Variants in GLCE observed in about 807,000 individuals in gnomAD.
GLCE encodes the protein glucuronic acid epimerase.
In GLCE, 19 loss-of-function variants were observed where a neutral mutation model predicts 47.9. That is an observed-to-expected ratio of 0.40 (90% CI 0.28 to 0.58). The LOEUF (loss-of-function observed/expected upper bound fraction) is 0.58, where lower values mean the gene tolerates loss of function less well. Among genes scored for constraint, GLCE ranks in the 20% least tolerant of loss-of-function variants. The probability of loss-of-function intolerance (pLI) is 0.48; values close to 1 mark genes in which losing one functional copy is unlikely to be tolerated. For missense variants in GLCE, 556 were observed against 743.3 expected (o/e 0.75, Z 2.93); for synonymous variants, 245 against 263.4 (o/e 0.93, Z 0.68).
At chr15:69,245,999 GT>G (rs2052743016) in intron 2 of GLCE, among the ~76,000 whole-genome samples, 1 of 152,174 alleles carries the variant, frequency 6.6e-6, no homozygotes, top group African/African-American at 2.4e-5. Context: ...AAAGTACTGG[GT>G]TTACAGGCGT....
Position 69,255,750 on chromosome 15 carries a change from G to A in GLCE, c.-13-44G>A, listed in dbSNP as rs140244977. 1.8e-4 allele frequency: 199 copies of A among 1,076,524 alleles called. No homozygotes were observed. The African/African-American group carries it at 2.2e-3, about 12-fold the overall frequency. 66.7% of individuals were successfully genotyped at this position (1,076,524 alleles called of 1,614,324 possible). On this transcript the variant is annotated intron_variant, in intron 2 of 4. Transcript: ENST00000261858. ...AGAAAACTTTATCCTATGAAATGCCGGTAGTACATCTTTGCATGATTTTTT... is the reference window on the plus strand; with the variant it reads ...AGAAAACTTTATCCTATGAAATGCCAGTAGTACATCTTTGCATGATTTTTT...
At chr15:69,204,407 C>T (rs201472987) in intron 1 of GLCE, among the ~76,000 whole-genome samples, 2 of 151,568 alleles carry the variant, frequency 1.3e-5, no homozygotes, top group East Asian at 3.9e-4. Flanking sequence ...CTCAGCCTCC[C>T]GAGTAGCTGG....
intron 2 of GLCE, among the ~76,000 whole-genome samples, chr15:69,223,681 C>G (rs2052407284): frequency 6.6e-6 from 1 of 151,814 alleles, no homozygotes; most frequent in Admixed American, 6.6e-5. Flanking sequence ...CTTTTCTCCT[C>G]CTTTCAAAAC....
chr15:69,211,205 T>G lies in GLCE; in HGVS notation c.-14+799T>G, dbSNP rs371163241. Among the ~76,000 whole-genome samples, 12 of 152,202 alleles carry G rather than the reference T, an allele frequency of 7.9e-5. No homozygotes were observed. The East Asian group carries it at 1.3e-3, about 17-fold the overall frequency. Reference sequence around the variant, plus strand: ...TGTTAGCAGTTAAATACTATGCTTATTTTTTAAGTAGAAGCCTTCATTTTG... The same window carrying G: ...TGTTAGCAGTTAAATACTATGCTTAGTTTTTAAGTAGAAGCCTTCATTTTG... On this transcript the variant is annotated intron_variant, in intron 2 of 4. Coordinates refer to ENST00000261858, the MANE Select transcript of GLCE (RefSeq NM_015554.3).
intron 2 of GLCE, among the ~76,000 whole-genome samples, chr15:69,217,196 A>G (rs2052319404): frequency 6.6e-6 from 1 of 151,852 alleles, no homozygotes; most frequent in East Asian, 1.9e-4. Context: ...CATTGGATGT[A>G]ACTTGTGTAT....
intron 1 of GLCE, among the ~76,000 whole-genome samples, chr15:69,170,562 G>T (rs1263665530): frequency 6.6e-6 from 1 of 152,116 alleles, no homozygotes; most frequent in African/African-American, 2.4e-5. Context: ...ATATATATTT[G>T]TGTGTGCATG....
At chr15:69,206,273 A>G (rs1480262204) in intron 1 of GLCE, among the ~76,000 whole-genome samples, 1 of 152,068 alleles carries the variant, frequency 6.6e-6, no homozygotes, top group Non-Finnish European at 1.5e-5. Flanking sequence ...ACAGAGGGAA[A>G]TGCCCTTTTC....
intron 2 of GLCE, among the ~76,000 whole-genome samples, chr15:69,240,634 C>T (rs1049452582): frequency 5.3e-5 from 8 of 151,168 alleles, no homozygotes; most frequent in Admixed American, 1.3e-4. Context: ...ATGCAATATC[C>T]GAATAAGAAA....
chr15:69,170,137 C>T (rs1454307633), intron 1 of GLCE, among the ~76,000 whole-genome samples: 2 of 151,848 alleles, frequency 1.3e-5, no homozygotes, highest in Admixed American at 6.6e-5. Flanking sequence ...AATTTATATG[C>T]CAATATGAAA....
At chr15:69,233,668 A>C (rs2052555227) in intron 2 of GLCE, among the ~76,000 whole-genome samples, 2 of 150,462 alleles carry the variant, frequency 1.3e-5, no homozygotes, top group African/African-American at 2.4e-5. Context: ...GTATGATAAG[A>C]AGCTCAGTTT....
At chr15:69,237,622 G>A (rs2052611562) in intron 2 of GLCE, among the ~76,000 whole-genome samples, 1 of 151,778 alleles carries the variant, frequency 6.6e-6, no homozygotes, top group Admixed American at 6.6e-5. Context: ...AAAAAAATTG[G>A]GTACTGATTT....
intron 2 of GLCE, among the ~76,000 whole-genome samples, chr15:69,234,195 C>G (rs984514404): frequency 1.2e-4 from 19 of 152,108 alleles, no homozygotes; most frequent in Admixed American, 6.5e-4. Flanking sequence ...CCAGACTGGT[C>G]TCAAACTCCT....
intron 2 of GLCE, among the ~76,000 whole-genome samples, chr15:69,219,336 T>C (rs1355108939): frequency 6.6e-6 from 1 of 152,126 alleles, no homozygotes; most frequent in Non-Finnish European, 1.5e-5. Flanking sequence ...AGATTTTCTG[T>C]TGAAAAAGTG....
At chr15:69,172,448 A>G (rs539854277) in intron 1 of GLCE, among the ~76,000 whole-genome samples, 13 of 152,226 alleles carry the variant, frequency 8.5e-5, no homozygotes, top group Non-Finnish European at 1.5e-4. Flanking sequence ...CTCTGGCCAT[A>G]GTATATATAG....
intron 2 of GLCE, among the ~76,000 whole-genome samples, chr15:69,239,651 C>G (rs1380141476): frequency 6.6e-6 from 1 of 152,074 alleles, no homozygotes; most frequent in Non-Finnish European, 1.5e-5. Flanking sequence ...ACCTGAAATA[C>G]CAACATCCCA....
chr15:69,174,913 G>A (rs1332545996), intron 1 of GLCE, among the ~76,000 whole-genome samples: 2 of 151,922 alleles, frequency 1.3e-5, no homozygotes, highest in African/African-American at 4.8e-5. Flanking sequence ...TTTTCTAACA[G>A]TTTGGTAATC....
intron 2 of GLCE, among the ~76,000 whole-genome samples, chr15:69,219,415 G>C (rs1464897499): frequency 6.6e-6 from 1 of 152,050 alleles, no homozygotes; most frequent in Non-Finnish European, 1.5e-5. Flanking sequence ...TAACATCCTA[G>C]GGTAAAGTAT....
intron 1 of GLCE, chr15:69,197,258 AC>A: frequency 2.6e-6 from 1 of 378,294 alleles, no homozygotes; most frequent in South Asian, 2.1e-5. Flanking sequence ...CCAACTGACT[AC>A]CACTTCTTCA....
chr15:69,172,950 T>C (rs974964884), intron 1 of GLCE, among the ~76,000 whole-genome samples: 1 of 152,220 alleles, frequency 6.6e-6, no homozygotes, highest in Admixed American at 6.5e-5. Context: ...GACCGGCCTA[T>C]AGTTGATTTT....
Sources: gnomAD v4.1 joint callset for allele counts (sites outside exome capture counted in the v4.1 genomes callset) on GRCh38, gnomAD v4.1.1 for gene constraint, MANE v1.5 for transcripts, NCBI Gene and HGNC (gene_info 2026-07-23, HGNC 2026-07-21) for gene names.